Variants in COL9A1 observed in about 807,000 individuals in gnomAD.
COL9A1 encodes the protein collagen type IX alpha 1 chain.
Under a neutral mutation model 142.6 loss-of-function variants are expected in COL9A1, and 104 were observed. The ratio of observed to expected loss-of-function variants is 0.73; its 90% CI spans 0.62 to 0.86. The LOEUF (loss-of-function observed/expected upper bound fraction) is 0.86, where lower values mean the gene tolerates loss of function less well. COL9A1 is among the 40% of genes least tolerant of loss of function. The pLI is 0.00. For missense variants in COL9A1, 1,210 were observed against 1,176.6 expected, an observed-to-expected ratio of 1.03 and a Z score of -0.42; for synonymous variants, 466 against 396.0, an observed-to-expected ratio of 1.18 and a Z score of -2.10.
chr6:70,276,190 A>G (rs566429804), intron 10 of COL9A1, among the ~76,000 whole-genome samples: 5 of 152,264 alleles, frequency 3.3e-5, no homozygotes, highest in Admixed American at 2.0e-4. Context: ...ACAAACCTCA[A>G]CATGATTAGT....
chr6:70,253,900 T>G (rs989959174), intron 25 of COL9A1, among the ~76,000 whole-genome samples: 2 of 152,062 alleles, frequency 1.3e-5, no homozygotes, highest in African/African-American at 2.4e-5. Flanking sequence ...TTATTGGGAG[T>G]GCTAATATTA....
Position 70,235,462 on chromosome 6 carries a change from A to T in COL9A1, c.2113-522T>A, listed in dbSNP as rs564208076. On this transcript the variant is annotated intron_variant, in intron 33 of 37. Transcript: ENST00000357250. ...AGTAAGACTCCGTCTCAAAAATTAT[A>T]ATAATAATAATAATAATCTTTCTTT... Among the ~76,000 whole-genome samples, 44 of 147,620 alleles carry T rather than the reference A, an allele frequency of 3.0e-4. No individual in the cohort carries two copies. The South Asian group carries it at 6.8e-3, about 23-fold the overall frequency.
chr6:70,296,858 G>A (rs1187442983), intron 4 of COL9A1, among the ~76,000 whole-genome samples: 1 of 152,048 alleles, frequency 6.6e-6, no homozygotes, highest in African/African-American at 2.4e-5. Flanking sequence ...GTCCAAGATA[G>A]TTATTGTTGA....
chr6:70,302,258 G>A (rs1378670886), intron 1 of COL9A1, among the ~76,000 whole-genome samples, 184 bp from the exon 2 acceptor site: 1 of 134,272 alleles, frequency 7.4e-6, no homozygotes, highest in African/African-American at 2.9e-5. Context: ...CACCCAGGCT[G>A]GAGTGCAATG....
intron 18 of COL9A1, among the ~76,000 whole-genome samples, chr6:70,264,832 T>C (rs1771912997): frequency 6.6e-6 from 1 of 152,132 alleles, no homozygotes; most frequent in South Asian, 2.1e-4. Context: ...AATTTTACTA[T>C]TAATTCCTAT....
At chr6:70,300,237 A>T (rs892061127) in intron 3 of COL9A1, 62 bp from the exon 4 acceptor site, 96 of 1,609,426 alleles carry the variant, frequency 6.0e-5, no homozygotes, top group Non-Finnish European at 8.1e-5. Context: ...TCTTTCCACA[A>T]CTTTCCCAAA....
At chr6:70,263,095 AT>A (rs1771795077) in intron 19 of COL9A1, 148 bp downstream of exon 19, 2 of 559,414 alleles carry the variant, frequency 3.6e-6, no homozygotes, top group Admixed American at 6.7e-5. Context: ...AGAAGTAGTT[AT>A]CCCCCAGTGC....
chr6:70,226,376 A>C (rs1769229838), intron 36 of COL9A1, among the ~76,000 whole-genome samples: 1 of 152,194 alleles, frequency 6.6e-6, no homozygotes, highest in African/African-American at 2.4e-5. Context: ...GTTCCACTAC[A>C]ATCAGAACAA....
chr6:70,247,239 A>G (rs1310753288), intron 28 of COL9A1, among the ~76,000 whole-genome samples: 1 of 152,226 alleles, frequency 6.6e-6, no homozygotes, highest in Non-Finnish European at 1.5e-5. Flanking sequence ...ATAAACAAGT[A>G]CTGGGTGTTA....
chr6:70,301,147 C>T, intron 2 of COL9A1, among the ~76,000 whole-genome samples: 1 of 152,174 alleles, frequency 6.6e-6, no homozygotes, highest in East Asian at 1.9e-4. Flanking sequence ...GTTCTCCTTA[C>T]ACAAATGGAA....
chr6:70,284,869 A>G (rs1773387125), intron 5 of COL9A1, among the ~76,000 whole-genome samples: 1 of 152,232 alleles, frequency 6.6e-6, no homozygotes, highest in South Asian at 2.1e-4. Context: ...CCCACCTGCC[A>G]AATGGATTCT....
intron 33 of COL9A1, among the ~76,000 whole-genome samples, chr6:70,236,112 CAAAAAAAAAAA>C (rs368419095): frequency 1.2e-4 from 6 of 49,012 alleles, no homozygotes; most frequent in Non-Finnish European, 1.6e-4. Context: ...GACTCCATCT[CAAAAAAAAAAA>C]AAAAAAAAAA....
chr6:70,233,858 T>C (rs1197216209), intron 35 of COL9A1, among the ~76,000 whole-genome samples: 1 of 152,196 alleles, frequency 6.6e-6, no homozygotes, highest in Admixed American at 6.5e-5. Context: ...TACACCAGAA[T>C]ACTGTAACTA....
rs1018727018 is a variant in COL9A1 at position 70,255,249 on chromosome 6, A to G, written c.1558-46T>C. 5.0e-6 allele frequency: 8 copies of G among 1,612,316 alleles called. No homozygotes were observed. The Admixed American group carries it at 1.3e-4, about 27-fold the overall frequency. ...AATAGACAAGACATGTTCAGTTAAC[A>G]TAATACTTAGACTTGTCAAAGAGAT... On this transcript the variant is annotated intron_variant, in intron 22 of 37. Coordinates refer to ENST00000357250, the MANE Select transcript of COL9A1 (RefSeq NM_001851.6).
chr6:70,242,127 T>C (rs531255227), intron 29 of COL9A1, 92 bp from the exon 30 acceptor site: 23 of 1,111,600 alleles, frequency 2.1e-5, no homozygotes, highest in Non-Finnish European at 2.8e-5. Context: ...TTGACTTGTG[T>C]CTAAAATAAA....
At chr6:70,260,982 G>A in intron 19 of COL9A1, 1 of 364,376 alleles carries the variant, frequency 2.7e-6, no homozygotes, top group Non-Finnish European at 5.0e-6. Flanking sequence ...ACCAGCATAA[G>A]AGAAATTGTG....
chr6:70,263,785 A>G (rs1007291086), intron 18 of COL9A1, among the ~76,000 whole-genome samples: 6 of 151,956 alleles, frequency 3.9e-5, no homozygotes, highest in African/African-American at 1.2e-4. Flanking sequence ...TGCACCATAT[A>G]CAATATTTTA....
intron 3 of COL9A1, 58 bp downstream of exon 3, chr6:70,300,248 TAAA>T: frequency 7.5e-7 from 1 of 1,325,384 alleles, no homozygotes; most frequent in East Asian, 2.8e-5. Context: ...CTTTCCCAAA[TAAA>T]AAAAAAAATC....
At chr6:70,290,614 C>T (rs1211697127) in intron 5 of COL9A1, among the ~76,000 whole-genome samples, 1 of 138,552 alleles carries the variant, frequency 7.2e-6, no homozygotes. Flanking sequence ...GGGAAAATAG[C>T]AAACAAGTAC....
Sources: allele counts gnomAD v4.1 joint callset (sites outside exome capture counted in the v4.1 genomes callset), GRCh38; gene constraint gnomAD v4.1.1; transcripts MANE v1.5; gene names NCBI Gene and HGNC (gene_info 2026-07-23, HGNC 2026-07-21).